The following PARL variants were observed in gnomAD, a reference collection of about 807,000 sequenced individuals.
PARL encodes the protein presenilin associated rhomboid like.
PARL carries 44 observed loss-of-function variants against 51.6 expected under a neutral mutation model. The ratio of observed to expected loss-of-function variants is 0.85; its 90% CI spans 0.67 to 1.10. The LOEUF (loss-of-function observed/expected upper bound fraction) is 1.10. PARL is among the 50% of genes least tolerant of loss of function. The pLI, the probability that PARL is intolerant of heterozygous loss-of-function variation, is 0.00. For synonymous variants in PARL, 172 were observed against 164.0 expected, an observed-to-expected ratio of 1.05 and a Z score of -0.37; for missense variants, 441 against 469.5, an observed-to-expected ratio of 0.94 and a Z score of 0.56.
chr3:183,882,277 A>T (rs1214080204), intron 1 of PARL, among the ~76,000 whole-genome samples: 10 of 108,670 alleles, frequency 9.2e-5, no homozygotes, highest in East Asian at 7.5e-4. Context: ...ATTTATATAT[A>T]TATATACACA....
intron 1 of PARL, among the ~76,000 whole-genome samples, chr3:183,878,533 A>G (rs2108715431): frequency 6.6e-6 from 1 of 152,256 alleles, no homozygotes; most frequent in East Asian, 1.9e-4. Context: ...TGAGCTCTTA[A>G]AAGTCCTACA....
intron 4 of PARL, among the ~76,000 whole-genome samples, chr3:183,852,525 G>T (rs1730667466): frequency 6.6e-6 from 1 of 152,122 alleles, no homozygotes. Flanking sequence ...TGTTTAACAG[G>T]TTCAGTGTTT....
chr3:183,868,060 C>A lies in PARL; in HGVS notation c.126G>T (p.Arg42Ser). 1.9e-6 allele frequency: 3 copies of A among 1,612,560 alleles called. No individual in the cohort carries two copies. The highest frequency in any genetic ancestry group is 1.1e-5 in the South Asian group (1 of 91,050). ...ATTTTTGTTGAATAAAGAAGTTAAACCTATGGGGCAAAAATAACAGATGAG... is the reference window on the plus strand; with the variant it reads ...ATTTTTGTTGAATAAAGAAGTTAAAACTATGGGGCAAAAATAACAGATGAG... ...VLTPPQLLGR[R>S]FNFFIQQKCG... is the part of the protein sequence containing the mutation. Residue 42 changes from arginine (R) to serine (S), a missense_variant and splice_region_variant, in exon 2 of 10, where the codon AGG (arginine) becomes AGT (serine). By Grantham distance (110) the Arg-to-Ser change is moderately radical. Transcript: ENST00000317096.
chr3:183,848,925 T>C (rs1730260593), intron 4 of PARL, among the ~76,000 whole-genome samples: 1 of 152,042 alleles, frequency 6.6e-6, no homozygotes, highest in Non-Finnish European at 1.5e-5. Flanking sequence ...TAAGACAAAA[T>C]AGACCTTAAG....
At chr3:183,876,744 C>T (rs971834317) in intron 1 of PARL, among the ~76,000 whole-genome samples, 2 of 151,694 alleles carry the variant, frequency 1.3e-5, no homozygotes, top group African/African-American at 4.8e-5. Context: ...AACTGAAAAG[C>T]TTCTGGAAAG....
At chr3:183,867,758 G>T in intron 2 of PARL, 107 bp downstream of exon 2, 1 of 797,456 alleles carries the variant, frequency 1.3e-6, no homozygotes, top group Non-Finnish European at 2.2e-6. Flanking sequence ...AGCTCTTTTT[G>T]ATCCCCCCTC....
At position 183,859,488 on chromosome 3, in the gene PARL, C is replaced by T. The variant is rs529474536; in HGVS notation, c.511+3265G>A. ...AAGTAGCTGGGATTATAGGCATGCA[C>T]CACCACGTCCAGCTAATTTTGTATT... On this transcript the variant is annotated intron_variant, in intron 4 of 9. Coordinates refer to ENST00000317096, the MANE Select transcript of PARL (RefSeq NM_018622.7). Among the ~76,000 whole-genome samples, 6 of 152,136 alleles carry T rather than the reference C, an allele frequency of 3.9e-5. No homozygotes were observed. In the South Asian group the frequency reaches 1.2e-3, roughly 32 times the overall value.
intron 4 of PARL, among the ~76,000 whole-genome samples, chr3:183,857,303 A>G (rs977490824): frequency 2.6e-5 from 4 of 152,342 alleles, no homozygotes; most frequent in South Asian, 2.1e-4. Flanking sequence ...CCATTTATCA[A>G]TCCAGGTGCT....
At chr3:183,871,550 T>C (rs1043654863) in intron 1 of PARL, among the ~76,000 whole-genome samples, 1 of 68,278 alleles carries the variant, frequency 1.5e-5, no homozygotes, top group Non-Finnish European at 2.9e-5. Context: ...GGGGGAGGGG[T>C]GGGGAAGAAC....
At position 183,837,414 on chromosome 3, in the gene PARL, A is replaced by G. The variant is rs144392774; in HGVS notation, c.828+3156T>C. On this transcript the variant is annotated intron_variant, in intron 7 of 9. Transcript: ENST00000317096. ...CGGGTGCCCAGCAAAGGCTGAGCAG[A>G]GCCTAGACTCCCACCCTTGCCACAC... is the stretch of plus-strand genomic sequence containing the variant. 4.4e-4 allele frequency among the ~76,000 whole-genome samples: 67 copies of G among 152,352 alleles called. No homozygotes were observed. The East Asian group carries it at 8.1e-3, about 18-fold the overall frequency.
At position 183,883,166 on chromosome 3, in the gene PARL, A is replaced by T. The variant is rs993487767; in HGVS notation, c.125+1556T>A. On this transcript the variant is annotated intron_variant, in intron 1 of 9. Coordinates refer to ENST00000317096, the MANE Select transcript of PARL (RefSeq NM_018622.7). ...GGTCTTTATACTCAATTTTTACTAG[A>T]GGCTCATTAGTTTTCTTTTGCTTCC... Among the ~76,000 whole-genome samples the T allele has an allele frequency of 2.6e-5, 4 of 152,212 alleles. No individual in the cohort carries two copies. The South Asian group carries it at 8.3e-4, about 32-fold the overall frequency.
At chr3:183,840,710 T>A in intron 6 of PARL, 70 bp from the exon 7 acceptor site, 2 of 246,936 alleles carry the variant, frequency 8.1e-6, no homozygotes, top group Non-Finnish European at 1.5e-5. Context: ...TTTTCTTTTC[T>A]TTTTTTTTTT....
chr3:183,849,450 G>T (rs1039095779), intron 4 of PARL, among the ~76,000 whole-genome samples: 1 of 151,962 alleles, frequency 6.6e-6, no homozygotes, highest in Non-Finnish European at 1.5e-5. Context: ...AAGAAATCAC[G>T]AGGGCAACTA....
At chr3:183,834,697 T>C (rs1246550033) in intron 7 of PARL, among the ~76,000 whole-genome samples, 4 of 152,008 alleles carry the variant, frequency 2.6e-5, no homozygotes, top group Non-Finnish European at 5.9e-5. Context: ...TTTAAATATG[T>C]GCAGTTTTTT....
At chr3:183,872,645 T>C (rs1473750628) in intron 1 of PARL, among the ~76,000 whole-genome samples, 1 of 152,154 alleles carries the variant, frequency 6.6e-6, no homozygotes, top group Non-Finnish European at 1.5e-5. Context: ...CTTGCCTGCT[T>C]TTTCTGTAAT....
At chr3:183,876,610 T>TAAAAAAAAAAAAAAAAAAAA (rs576376716) in intron 1 of PARL, among the ~76,000 whole-genome samples, 86 of 91,776 alleles carry the variant, frequency 9.4e-4, no homozygotes, top group Non-Finnish European at 1.2e-3. Flanking sequence ...ATACATTTTG[T>TAAAAAAAAAAAAAAAAAAAA]AAAAAAAAAA....
At chr3:183,874,644 G>A (rs11914437) in intron 1 of PARL, among the ~76,000 whole-genome samples, 10,810 of 152,076 alleles carry the variant, frequency 0.071, 412 homozygotes, top group African/African-American at 0.098. Flanking sequence ...CAAACCTCAC[G>A]TGATCCTCCC....
intron 4 of PARL, among the ~76,000 whole-genome samples, chr3:183,862,077 A>T (rs1292442105): frequency 3.9e-5 from 6 of 152,180 alleles, no homozygotes; most frequent in Non-Finnish European, 8.8e-5. Flanking sequence ...TCCTGGCAAA[A>T]ATCTATTTTC....
Position 183,842,314 on chromosome 3 carries a change from T to G in PARL, c.741A>C (p.Ala247=). Residue 247 remains alanine (A), a synonymous_variant, in exon 6 of 10, where the codon GCA becomes GCC. Transcript: ENST00000317096. ...VNILGQEQFM[A]VYLSAGVISN... The stretch of plus-strand genomic sequence containing the variant: ...GCATATTACCTGCAGATAGGTACAC[T>G]GCCATGAACTGCTCTTGACCCAGAA... The G allele has an allele frequency of 6.2e-7, 1 of 1,612,696 alleles. No individual in the cohort carries two copies.
Sources: allele counts gnomAD v4.1 joint callset (sites outside exome capture counted in the v4.1 genomes callset), GRCh38; gene constraint gnomAD v4.1.1; transcripts MANE v1.5; gene names NCBI Gene and HGNC (gene_info 2026-07-23, HGNC 2026-07-21).